The following MIA2 variants were observed in gnomAD, a reference collection of about 807,000 sequenced individuals.
MIA2 encodes melanoma inhibitory activity protein 2.
In MIA2, 127 loss-of-function variants were observed where a neutral mutation model predicts 167.8. The ratio of observed to expected loss-of-function variants is 0.76; its 90% CI spans 0.66 to 0.88. The LOEUF is 0.88. Ranked by LOEUF, MIA2 falls within the 40% of genes least tolerant of loss-of-function variation. The probability of loss-of-function intolerance (pLI) is 0.00; values close to 1 mark genes in which losing one functional copy is unlikely to be tolerated. For synonymous variants in MIA2, 552 were observed against 541.9 expected, an observed-to-expected ratio of 1.02 and a Z score of -0.26; for missense variants, 1,690 against 1,624.7, an observed-to-expected ratio of 1.04 and a Z score of -0.69.
At chr14:39,334,051 A>C (rs1276375812) in intron 25 of MIA2, among the ~76,000 whole-genome samples, 26 of 152,236 alleles carry the variant, frequency 1.7e-4, no homozygotes. Flanking sequence ...GAAGGGCTAA[A>C]TGACTCCTGA....
chr14:39,353,730 A>G (rs769152000), downstream of MIA2, among the ~76,000 whole-genome samples: 10 of 152,042 alleles, frequency 6.6e-5, no homozygotes, highest in Non-Finnish European at 1.5e-4. Context: ...TGACCCTATA[A>G]CAGGCCCTGG....
chr14:39,359,599 G>A (rs113210968), intron 23 of MIA2, among the ~76,000 whole-genome samples: 1 of 152,108 alleles, frequency 6.6e-6, no homozygotes, highest in African/African-American at 2.4e-5. Flanking sequence ...GATGAACCCG[G>A]TACCTCTATT....
intron 23 of MIA2, 31 bp from the exon 24 acceptor site, chr14:39,320,897 G>A (rs780595407): frequency 3.7e-6 from 6 of 1,603,236 alleles, no homozygotes; most frequent in Non-Finnish European, 5.1e-6. Flanking sequence ...GTGAAACTAT[G>A]AATTTAAATA....
chr14:39,334,143 A>C (rs969563992), intron 25 of MIA2, among the ~76,000 whole-genome samples: 9 of 143,210 alleles, frequency 6.3e-5, no homozygotes, highest in African/African-American at 2.7e-4. Context: ...AAAATATTCT[A>C]TGTTTGCTCT....
At chr14:39,303,426 C>T (rs376617314) in intron 15 of MIA2, 52 bp from the exon 16 acceptor site, 12 of 1,311,352 alleles carry the variant, frequency 9.2e-6, no homozygotes, top group Admixed American at 5.5e-5. Flanking sequence ...TGTCTATTGT[C>T]GTATTGTACT....
At position 39,253,154 on chromosome 14, in the gene MIA2, G is replaced by A; in HGVS notation, c.1870G>A (p.Val624Ile). The A allele has an allele frequency of 2.5e-6, 4 of 1,608,664 alleles. No homozygotes were observed. The highest frequency in any genetic ancestry group is 2.5e-6 in the Non-Finnish European group (3 of 1,176,632). ...DFMNSAFSPI[V>I]ILTERVVAAL... ...CATGAATTCTGCATTTTCACCAATTGTAATTCTTACAGAAAGGGTAAGTTT... is the reference window on the plus strand; with the variant it reads ...CATGAATTCTGCATTTTCACCAATTATAATTCTTACAGAAAGGGTAAGTTT... The change falls in exon 6 of 29, where the codon GTA (valine) becomes ATA (isoleucine). Residue 624 changes from valine (V) to isoleucine (I), a missense_variant. Transcript: ENST00000640607.
At chr14:39,297,082 TG>T (rs1449951636) in intron 13 of MIA2, among the ~76,000 whole-genome samples, 5 of 138,562 alleles carry the variant, frequency 3.6e-5, no homozygotes, top group Non-Finnish European at 6.3e-5. Context: ...CGGCTATTGG[TG>T]GGCTTTTCTA....
At chr14:39,285,942 G>A (rs1454976560) in intron 9 of MIA2, among the ~76,000 whole-genome samples, 3 of 150,150 alleles carry the variant, frequency 2.0e-5, no homozygotes, top group African/African-American at 4.9e-5. Flanking sequence ...CCGGGAAGAG[G>A]CGCTCCTCAC....
chr14:39,296,724 C>T lies in MIA2; in HGVS notation c.2496+1695C>T, dbSNP rs552891363. 8.0e-5 allele frequency among the ~76,000 whole-genome samples: 12 copies of T among 149,836 alleles called. No homozygotes were observed. In the East Asian group the frequency reaches 1.6e-3, roughly 20 times the overall value. ...TATGTATACATGTGCCATGCTGGTG[C>T]GCTGCACCCACTAATGTGTCATCTA... On this transcript the variant is annotated intron_variant, in intron 13 of 28. Coordinates refer to ENST00000640607, the MANE Select transcript of MIA2 (RefSeq NM_001329214.4).
intron 23 of MIA2, among the ~76,000 whole-genome samples, chr14:39,366,057 A>G (rs1242837854): frequency 6.6e-6 from 1 of 152,118 alleles, no homozygotes; most frequent in Non-Finnish European, 1.5e-5. Flanking sequence ...TGCATGCAGT[A>G]GTGTAGTCTC....
In MIA2 at chr14:39,328,320, G is replaced by C. The variant is rs139066701; in HGVS notation, c.3655+1298G>C. 8.0e-3 allele frequency among the ~76,000 whole-genome samples: 1,218 copies of C among 152,132 alleles called. 24 individuals are homozygous for C. The highest frequency in any genetic ancestry group is 0.076 in the East Asian group (394 of 5,160). On this transcript the variant is annotated intron_variant, in intron 25 of 28. Transcript: ENST00000640607. ...CGCCCACTTTTTGTTGGGGTTGTTT[G>C]CTTTTTTCTTGTAAATTTAAGTTGC...
chr14:39,278,972 C>A (rs1339769037), intron 7 of MIA2, among the ~76,000 whole-genome samples: 1 of 151,892 alleles, frequency 6.6e-6, no homozygotes, highest in Non-Finnish European at 1.5e-5. Context: ...ACCAGCCTGG[C>A]CAACATGGTG....
intron 23 of MIA2, chr14:39,386,431 A>G (rs2075273843): frequency 1.3e-6 from 2 of 1,552,540 alleles, no homozygotes; most frequent in Admixed American, 1.7e-5. Context: ...TGTTTCTAGC[A>G]GAACCTTTTG....
At chr14:39,269,073 A>AGTTTTTTTTTT (rs2056602623) in intron 6 of MIA2, 1 of 349,128 alleles carries the variant, frequency 2.9e-6, no homozygotes, top group South Asian at 1.4e-4. Context: ...TCACCTGCAC[A>AGTTTTTTTTTT]GTTTTTTTTT....
chr14:39,363,615 G>C (rs1567051590), intron 23 of MIA2, among the ~76,000 whole-genome samples: 1 of 152,206 alleles, frequency 6.6e-6, no homozygotes, highest in Admixed American at 6.5e-5. Context: ...GTTTAAGTCC[G>C]TAACTATTAC....
chr14:39,335,732 A>G (rs1049492330), intron 25 of MIA2, among the ~76,000 whole-genome samples: 1 of 152,156 alleles, frequency 6.6e-6, no homozygotes, highest in Non-Finnish European at 1.5e-5. Flanking sequence ...TAGTACCCAC[A>G]GTTTTTCAGC....
intron 9 of MIA2, among the ~76,000 whole-genome samples, chr14:39,286,038 G>A (rs557473570): frequency 6.6e-6 from 1 of 152,046 alleles, no homozygotes; most frequent in Non-Finnish European, 1.5e-5. Flanking sequence ...CTTCCCAGAC[G>A]GGGTGGCGGC....
At chr14:39,263,034 C>G (rs1260716318) in intron 6 of MIA2, among the ~76,000 whole-genome samples, 1 of 152,218 alleles carries the variant, frequency 6.6e-6, no homozygotes, top group Non-Finnish European at 1.5e-5. Context: ...TTGCCCTAGC[C>G]AGAACTTCGA....
chr14:39,278,756 T>G (rs1211081265), intron 7 of MIA2, among the ~76,000 whole-genome samples: 1 of 151,662 alleles, frequency 6.6e-6, no homozygotes, highest in Non-Finnish European at 1.5e-5. Context: ...TCAAATTTGT[T>G]TGGGGAGCAA....
Sources: allele counts gnomAD v4.1 joint callset (sites outside exome capture counted in the v4.1 genomes callset), GRCh38; gene constraint gnomAD v4.1.1; transcripts MANE v1.5; gene names NCBI Gene and HGNC (gene_info 2026-07-23, HGNC 2026-07-21).